The following LCT variants were observed in gnomAD, a reference collection of about 807,000 sequenced individuals.
LCT encodes lactase.
A neutral mutation model predicts 173.0 loss-of-function variants in LCT; 90 were observed. That is an observed-to-expected ratio of 0.52 (90% confidence interval 0.44 to 0.62). The LOEUF is 0.62. Among genes scored for constraint, LCT ranks in the 20% least tolerant of loss-of-function variants. LCT has a pLI of 0.00. For missense variants in LCT, 1,864 were observed against 2,431.4 expected (o/e 0.77, Z 4.91); for synonymous variants, 853 against 957.6 (o/e 0.89, Z 2.02).
intron 10 of LCT, among the ~76,000 whole-genome samples, chr2:135,804,364 A>G (rs1202570932): frequency 6.6e-6 from 1 of 152,222 alleles, no homozygotes; most frequent in African/African-American, 2.4e-5. Context: ...ATTCTGCATC[A>G]TATGAATTCA....
At chr2:135,815,478 G>A (rs2077771875) in intron 6 of LCT, among the ~76,000 whole-genome samples, 1 of 152,150 alleles carries the variant, frequency 6.6e-6, no homozygotes, top group East Asian at 1.9e-4. Flanking sequence ...AGAGCTGAAT[G>A]GAAACTCTGA....
intron 13 of LCT, among the ~76,000 whole-genome samples, chr2:135,795,753 T>TA (rs2077577167): frequency 1.3e-5 from 2 of 151,756 alleles, no homozygotes; most frequent in African/African-American, 2.4e-5. Context: ...CCTTTTTTTT[T>TA]TCCCAGACAG....
In LCT at chr2:135,812,952, G is replaced by GCCA; in HGVS notation, c.1709_1711dup (p.Val570dup). On this transcript the variant is annotated inframe_insertion, in exon 7 of 17. Transcript: ENST00000264162. ...GGCATGAGCCTTGAGGACCAAGTGA[G>GCCA]CCACCTTGTGAAAAAGTAAGAAGGA... The GCCA allele has an allele frequency of 6.2e-7, 1 of 1,613,990 alleles. No individual in the cohort carries two copies. The highest frequency in any genetic ancestry group is 8.5e-7 in the Non-Finnish European group (1 of 1,179,946).
intron 7 of LCT, 91 bp downstream of exon 7, chr2:135,812,220 A>T: frequency 9.4e-7 from 1 of 1,066,910 alleles, no homozygotes; most frequent in Non-Finnish European, 1.5e-6. Flanking sequence ...CCATTTCTCT[A>T]GGAGACTTTC....
chr2:135,808,312 A>G (rs913993073), intron 8 of LCT, 131 bp downstream of exon 8: 10 of 844,926 alleles, frequency 1.2e-5, no homozygotes, highest in Middle Eastern at 2.6e-4. Flanking sequence ...CAAACAGATA[A>G]AGAATTATGG....
chr2:135,801,548 T>C (rs1487654020), intron 11 of LCT, among the ~76,000 whole-genome samples: 1 of 151,712 alleles, frequency 6.6e-6, no homozygotes, highest in African/African-American at 2.4e-5. Context: ...AACCTGTCTC[T>C]ACTAAAAATA....
intron 1 of LCT, 98 bp downstream of exon 1, chr2:135,836,432 G>A: frequency 9.3e-7 from 1 of 1,078,848 alleles, no homozygotes. Context: ...GACTGCTGAA[G>A]GTGAGTTGGG....
Position 135,813,096 on chromosome 2 carries a change from A to C in LCT, c.1708-140T>G, listed in dbSNP as rs929512956. 7 of 777,012 alleles carry C rather than the reference A, an allele frequency of 9.0e-6. No individual in the cohort carries two copies. In the African/African-American group the frequency reaches 1.2e-4, roughly 13 times the overall value. 48.1% of individuals were successfully genotyped at this position (777,012 alleles called of 1,614,324 possible). On this transcript the variant is annotated intron_variant, in intron 6 of 16. Transcript: ENST00000264162. ...AACAACATTGACATTGTCAATATTG[A>C]CAACATCAGCACTAATGTTAACATC...
rs1409176255 is a variant in LCT at position 135,790,701 on chromosome 2, T to G, written c.5292A>C (p.Ala1764=). The G allele has an allele frequency of 6.2e-7, 1 of 1,613,448 alleles. No individual in the cohort carries two copies. The highest frequency in any genetic ancestry group is 1.7e-5 in the Admixed American group (1 of 60,032). ...TGTAAGTCCGAAGGTAGTAGATCCTTGCAGTGTCATTGAGGTCTGTTTCTT... is the reference window on the plus strand; with the variant it reads ...TGTAAGTCCGAAGGTAGTAGATCCTGGCAGTGTCATTGAGGTCTGTTTCTT... The part of the protein sequence containing the change: ...QREETDLNDT[A]RIYYLRTYIN... Residue 1764 remains alanine (A), a synonymous_variant, in exon 15 of 17, where the codon GCA becomes GCC. Coordinates refer to ENST00000264162, the MANE Select transcript of LCT (RefSeq NM_002299.4). The surrounding 1 kb of genome is among the most constrained non-coding windows in gnomAD (Gnocchi z 4.1).
chr2:135,804,726 G>T, intron 10 of LCT, 41 bp downstream of exon 10: 2 of 1,588,268 alleles, frequency 1.3e-6, no homozygotes, highest in Non-Finnish European at 8.6e-7. Context: ...GCTGGTTCCT[G>T]CATGTGGACT....
At chr2:135,831,928 T>C (rs896619261) in intron 2 of LCT, among the ~76,000 whole-genome samples, 13 of 152,190 alleles carry the variant, frequency 8.5e-5, no homozygotes, top group Admixed American at 8.5e-4. Context: ...TTAAAAATTA[T>C]AGTTAAAGGC....
In LCT at chr2:135,823,950, G is replaced by T; in HGVS notation, c.858C>A (p.Cys286Ter). The T allele has an allele frequency of 6.2e-7, 1 of 1,613,988 alleles. No homozygotes were observed. Among genetic ancestry groups the T allele is most frequent in the Non-Finnish European group, 8.5e-7 (1 of 1,179,872 alleles). The change falls in exon 4 of 17, where the codon TGC becomes TGA. Residue 286 changes from cysteine (C) to a stop codon, truncating the protein, a stop_gained. Transcript: ENST00000264162. LOFTEE classifies it high-confidence loss of function. Reference sequence around the variant, plus strand: ...TGGCTGGGTTCTTCATGGTGGAGGGGCAGTCTGGGAGTTTTAGGTTGAAGA... The same window carrying T: ...TGGCTGGGTTCTTCATGGTGGAGGGTCAGTCTGGGAGTTTTAGGTTGAAGA... ...VFIFNLKLPD[C>*]PSTMKNPASL... is the part of the protein sequence containing the mutation.
intron 6 of LCT, among the ~76,000 whole-genome samples, chr2:135,815,958 C>T (rs1305913731): frequency 6.6e-6 from 1 of 152,144 alleles, no homozygotes; most frequent in Non-Finnish European, 1.5e-5. Flanking sequence ...GCCTTGGCCT[C>T]CCAAAGTGCT....
At chr2:135,829,139 C>T (rs1173134989) in intron 3 of LCT, among the ~76,000 whole-genome samples, 1 of 151,834 alleles carries the variant, frequency 6.6e-6, no homozygotes, top group Non-Finnish European at 1.5e-5. Context: ...TGCAGTGAGC[C>T]AAGATCACGC....
intron 1 of LCT, among the ~76,000 whole-genome samples, chr2:135,834,957 T>G (rs55996003): frequency 0.018 from 2,692 of 152,164 alleles, 88 homozygotes; most frequent in African/African-American, 0.062. Context: ...ATTTTATAAC[T>G]GTTCGTATAA....
Position 135,833,174 on chromosome 2 carries a change from AAC to A in LCT, c.655_656del (p.Val219CysfsTer5). On this transcript the variant is annotated frameshift_variant, in exon 2 of 17. Coordinates refer to ENST00000264162, the MANE Select transcript of LCT (RefSeq NM_002299.4). LOFTEE classifies it high-confidence loss of function. ...SYAFQGGKLS[V>X]VLRAEDIPEL... ...CCGGGATATCTTCAGCTCGCAGGACAACAGAGAGTTTTCCGCCTGAAACCAAC... is the reference window on the plus strand; with the variant it reads ...CCGGGATATCTTCAGCTCGCAGGACAAGAGAGTTTTCCGCCTGAAACCAAC... The A allele has an allele frequency of 1.2e-6, 2 of 1,613,994 alleles. No individual in the cohort carries two copies. The highest frequency in any genetic ancestry group is 1.1e-5 in the South Asian group (1 of 91,070).
intron 7 of LCT, chr2:135,810,330 C>T (rs2077724574): frequency 4.8e-6 from 1 of 208,526 alleles, no homozygotes; most frequent in South Asian, 1.1e-4. Context: ...GAAGTATAGT[C>T]TCTGTTACTA....
chr2:135,792,544 T>G (rs2077540644), intron 14 of LCT, among the ~76,000 whole-genome samples: 1 of 152,182 alleles, frequency 6.6e-6, no homozygotes, highest in Admixed American at 6.5e-5. Context: ...CCCTGCGCAC[T>G]GTTGGCAGGG....
intron 6 of LCT, among the ~76,000 whole-genome samples, chr2:135,816,077 G>A (rs1443801867): frequency 6.6e-6 from 1 of 152,208 alleles, no homozygotes; most frequent in Non-Finnish European, 1.5e-5. Flanking sequence ...CCTGAAGAAC[G>A]CTGCCAAAGA....
Sources: gnomAD v4.1 joint callset for allele counts (sites outside exome capture counted in the v4.1 genomes callset) on GRCh38, gnomAD v4.1.1 for gene constraint, Gnocchi (gnomAD v3.1) non-coding constraint, MANE v1.5 for transcripts, NCBI Gene and HGNC (gene_info 2026-07-23, HGNC 2026-07-21) for gene names.